The following QKI variants were observed in gnomAD, a reference collection of about 807,000 sequenced individuals.
QKI encodes the protein QKI, KH domain containing RNA binding, also known as KH domain-containing RNA-binding protein QKI.
Under a neutral mutation model 39.0 loss-of-function variants are expected in QKI, and 10 were observed. The ratio of observed to expected loss-of-function variants is 0.26; its 90% CI spans 0.16 to 0.43. The LOEUF is 0.43. QKI is among the 20% of genes least tolerant of loss of function. The pLI is 1.00. For missense variants in QKI, 218 were observed against 428.0 expected, an observed-to-expected ratio of 0.51 and a Z score of 4.33; for synonymous variants, 204 against 155.4, an observed-to-expected ratio of 1.31 and a Z score of -2.33.
chr6:163,533,450 C>G (rs1345730382), intron 3 of QKI, among the ~76,000 whole-genome samples: 1 of 152,084 alleles, frequency 6.6e-6, no homozygotes, highest in African/African-American at 2.4e-5. Flanking sequence ...TGTAAATAAC[C>G]ACATTTTTAC....
intron 1 of QKI, among the ~76,000 whole-genome samples, chr6:163,447,093 A>G (rs546924523): frequency 3.9e-5 from 6 of 152,172 alleles, no homozygotes; most frequent in Non-Finnish European, 8.8e-5. Flanking sequence ...CTTAAAATGA[A>G]TTTTAAGAGT....
At chr6:163,482,365 G>A (rs572536116) in intron 3 of QKI, among the ~76,000 whole-genome samples, 45 of 152,234 alleles carry the variant, frequency 3.0e-4, no homozygotes, top group African/African-American at 1.1e-3. Flanking sequence ...CCCAGATGTT[G>A]TAAGGGTTTC....
At chr6:163,560,631 C>T (rs151315504) in intron 4 of QKI, among the ~76,000 whole-genome samples, 407 of 152,226 alleles carry the variant, frequency 2.7e-3, no homozygotes, top group Middle Eastern at 0.014. Flanking sequence ...TACTTACATA[C>T]GTGTGTAAAG....
At chr6:163,479,809 A>G (rs1792931610) in intron 3 of QKI, among the ~76,000 whole-genome samples, 1 of 152,250 alleles carries the variant, frequency 6.6e-6, no homozygotes, top group African/African-American at 2.4e-5. Context: ...AGTATATAAA[A>G]GTTTTGAAAA....
rs904668123 is a variant in QKI at position 163,572,809 on chromosome 6, C to G, written c.*2099C>G. ...TCTTGTCTCACTTGGAAACCGTTGT[C>G]AGTTTATTTACTATGCAATAGACAT... is the stretch of plus-strand genomic sequence containing the variant. On this transcript the variant is annotated 3_prime_UTR_variant, in exon 8 of 8. Coordinates refer to ENST00000361752, the MANE Select transcript of QKI (RefSeq NM_006775.3). 1 of 152,028 alleles carries G rather than the reference C, an allele frequency of 6.6e-6. No homozygotes were observed. The highest frequency in any genetic ancestry group is 2.4e-5 in the African/African-American group (1 of 41,378). The allele number at this position is 152,028 out of a possible 1,614,324, so 9.4% of individuals were successfully genotyped here.
chr6:163,546,179 A>C (rs1337669281), intron 4 of QKI, among the ~76,000 whole-genome samples: 1 of 151,502 alleles, frequency 6.6e-6, no homozygotes, highest in Non-Finnish European at 1.5e-5. Context: ...ATTTCAATAC[A>C]TATTTTTAAA....
chr6:163,429,633 A>C (rs935608674), intron 1 of QKI, among the ~76,000 whole-genome samples: 2 of 152,188 alleles, frequency 1.3e-5, no homozygotes, highest in African/African-American at 4.8e-5. Flanking sequence ...TATGAATACC[A>C]AACTCTTATT....
chr6:163,560,227 C>T (rs1782909917), intron 4 of QKI, among the ~76,000 whole-genome samples: 1 of 152,068 alleles, frequency 6.6e-6, no homozygotes, highest in African/African-American at 2.4e-5. Flanking sequence ...ACTCAACAGA[C>T]TGTAATTTGA....
At chr6:163,547,137 A>C (rs73784465) in intron 4 of QKI, among the ~76,000 whole-genome samples, 2,986 of 152,240 alleles carry the variant, frequency 0.02, 94 homozygotes, top group African/African-American at 0.068. Context: ...CTGTCAATTT[A>C]AATAAAAATA....
intron 1 of QKI, among the ~76,000 whole-genome samples, chr6:163,432,999 A>G (rs1458168252): frequency 6.6e-6 from 1 of 152,250 alleles, no homozygotes; most frequent in Non-Finnish European, 1.5e-5. Context: ...AATGATAGTA[A>G]TAAAGGCAGG....
chr6:163,490,489 T>C (rs1777984965), intron 3 of QKI, among the ~76,000 whole-genome samples: 1 of 152,104 alleles, frequency 6.6e-6, no homozygotes, highest in South Asian at 2.1e-4. Flanking sequence ...CTGGAGAAGA[T>C]TGAAGTAGGA....
chr6:163,482,514 A>G (rs773009635), intron 3 of QKI, among the ~76,000 whole-genome samples: 34 of 152,190 alleles, frequency 2.2e-4, no homozygotes, highest in Admixed American at 1.4e-3. Flanking sequence ...GCCAGTTACA[A>G]GCCCCAGTGG....
chr6:163,437,726 A>C (rs1405931531), intron 1 of QKI, among the ~76,000 whole-genome samples: 1 of 152,156 alleles, frequency 6.6e-6, no homozygotes, highest in African/African-American at 2.4e-5. Flanking sequence ...GGTTTGAGTT[A>C]TAGTTATGCA....
intron 2 of QKI, among the ~76,000 whole-genome samples, chr6:163,472,913 T>C (rs748347423): frequency 6.6e-5 from 10 of 151,736 alleles, no homozygotes; most frequent in Non-Finnish European, 8.8e-5. Flanking sequence ...AAGCAAAATA[T>C]TCATTTCAAA....
At chr6:163,459,368 A>G (rs536753485) in intron 2 of QKI, among the ~76,000 whole-genome samples, 2 of 152,234 alleles carry the variant, frequency 1.3e-5, no homozygotes, top group Admixed American at 6.5e-5. Flanking sequence ...AGGGGGTACT[A>G]TTGGCATCTA....
chr6:163,564,133 G>C, intron 6 of QKI: 1 of 1,031,460 alleles, frequency 9.7e-7, no homozygotes, highest in African/African-American at 1.7e-5. Flanking sequence ...ACTTCTAAGT[G>C]AAAGTAGTCT....
At chr6:163,468,200 T>C (rs897169466) in intron 2 of QKI, among the ~76,000 whole-genome samples, 17 of 152,314 alleles carry the variant, frequency 1.1e-4, no homozygotes, top group East Asian at 7.7e-4. Flanking sequence ...TTATGTGATA[T>C]AATGAAAGAT....
intron 1 of QKI, among the ~76,000 whole-genome samples, chr6:163,435,585 A>G (rs981496198): frequency 2.0e-5 from 3 of 152,204 alleles, no homozygotes; most frequent in African/African-American, 7.2e-5. Flanking sequence ...GAGATGGTTT[A>G]AAGTTAAGTT....
At chr6:163,566,244 C>A in intron 6 of QKI, 1 of 1,264,920 alleles carries the variant, frequency 7.9e-7, no homozygotes, top group Non-Finnish European at 1.0e-6. Context: ...CATTGCAGTT[C>A]ATACTTATTG....
Sources: gnomAD v4.1 joint callset for allele counts (sites outside exome capture counted in the v4.1 genomes callset) on GRCh38, gnomAD v4.1.1 for gene constraint, MANE v1.5 for transcripts, NCBI Gene and HGNC (gene_info 2026-07-23, HGNC 2026-07-21) for gene names.